The following CPLANE1 variants were observed in gnomAD, a reference collection of about 807,000 sequenced individuals.
CPLANE1 encodes the protein ciliogenesis and planar polarity effector 1.
In CPLANE1, 263 loss-of-function variants were observed where a neutral mutation model predicts 362.5. That is an observed-to-expected ratio of 0.73 (90% CI 0.66 to 0.80). The LOEUF (loss-of-function observed/expected upper bound fraction) is 0.80. Ranked by LOEUF, CPLANE1 falls within the 30% of genes least tolerant of loss-of-function variation. The pLI is 0.00. For synonymous variants in CPLANE1, 1,212 were observed against 1,302.6 expected, an observed-to-expected ratio of 0.93 and a Z score of 1.50; for missense variants, 3,461 against 3,793.4, an observed-to-expected ratio of 0.91 and a Z score of 2.30.
In CPLANE1 at chr5:37,187,824, C is replaced by CA. The variant is rs1784470848; in HGVS notation, c.3829dup (p.Cys1277LeufsTer11). 1.2e-6 allele frequency: 2 copies of CA among 1,613,004 alleles called. No individual in the cohort carries two copies. The highest frequency in any genetic ancestry group is 1.3e-5 in the African/African-American group (1 of 74,870). ...GACATGCAGCATCCAACACAGAGCA[C>CA]AAAGTTCTCTGAAGCAACCTAAAGC... On this transcript the variant is annotated frameshift_variant, in exon 22 of 53. Transcript: ENST00000651892.
At chr5:37,112,840 CA>C (rs780227843) in intron 51 of CPLANE1, among the ~76,000 whole-genome samples, 1 of 152,138 alleles carries the variant, frequency 6.6e-6, no homozygotes, top group Non-Finnish European at 1.5e-5. Context: ...AACAATGAAA[CA>C]AATACCTACA....
rs35522666 is a variant in CPLANE1 at position 37,154,459 on chromosome 5, C to CTTTTTTTTTTTTTTTTTTTTTTTTTTT, written c.8120-467_8120-466insAAAAAAAAAAAAAAAAAAAAAAAAAAA. Among the ~76,000 whole-genome samples, 7 of 84,576 alleles carry CTTTTTTTTTTTTTTTTTTTTTTTTTTT rather than the reference C, an allele frequency of 8.3e-5. 1 individual carries two copies. The highest frequency in any genetic ancestry group is 4.0e-4 in the African/African-American group (7 of 17,646). 55.5% of individuals were successfully genotyped at this position (84,576 alleles called of 152,430 possible). A position where few individuals can be genotyped will look rare whatever the true frequency, so the allele number is the denominator to read the frequency against. ...TTCTTCTCCCAAATTTGCAATAGTTCTTTTTTTTTTTTTTTTTTTTTTTTA... is the reference window on the plus strand; with the variant it reads ...TTCTTCTCCCAAATTTGCAATAGTTCTTTTTTTTTTTTTTTTTTTTTTTTTTTTTTTTTTTTTTTTTTTTTTTTTTTA... On this transcript the variant is annotated intron_variant, in intron 41 of 52. Transcript: ENST00000651892.
chr5:37,135,702 A>G (rs949406007), intron 46 of CPLANE1, among the ~76,000 whole-genome samples: 1 of 152,062 alleles, frequency 6.6e-6, no homozygotes, highest in Non-Finnish European at 1.5e-5. Flanking sequence ...ACGTGGTGGC[A>G]CGTGCCTGTA....
At chr5:37,151,788 C>T (rs1773632001) in intron 42 of CPLANE1, among the ~76,000 whole-genome samples, 1 of 152,034 alleles carries the variant, frequency 6.6e-6, no homozygotes, top group Admixed American at 6.6e-5. Context: ...GTGGCTCACA[C>T]CTGTAATCCC....
chr5:37,182,949 T>C lies in CPLANE1; in HGVS notation c.5232A>G (p.Gly1744=). 3 of 1,606,170 alleles carry C rather than the reference T, an allele frequency of 1.9e-6. No individual in the cohort carries two copies. The highest frequency in any genetic ancestry group is 2.6e-6 in the Non-Finnish European group (3 of 1,176,442). The change falls in exon 26 of 53, where the codon GGA becomes GGG. Residue 1744 remains glycine, a synonymous_variant. Transcript: ENST00000651892. ...ACCTTATCATCCATTCCAGCAGTCT[T>C]CCTATACTGCCAAAAGTGTTTAGTG... ...PLALNTFGSI[G]RLLEWMIRWS...
intron 16 of CPLANE1, among the ~76,000 whole-genome samples, chr5:37,208,545 T>C (rs1002736552): frequency 6.6e-6 from 1 of 151,856 alleles, no homozygotes; most frequent in African/African-American, 2.4e-5. Context: ...AGCGAGGTGG[T>C]GGGCGCCTGT....
At chr5:37,171,573 C>T (rs759920475) in intron 32 of CPLANE1, among the ~76,000 whole-genome samples, 35 of 152,198 alleles carry the variant, frequency 2.3e-4, no homozygotes, top group Non-Finnish European at 4.4e-4. Flanking sequence ...TTTGATAGAA[C>T]AAACCAATAG....
In CPLANE1 at chr5:37,106,730, T is replaced by G. The variant is rs886060568; in HGVS notation, c.*872A>C. 3.2e-5 allele frequency: 19 copies of G among 597,758 alleles called. 1 individual carries two copies. The Admixed American group carries it at 1.1e-3, about 36-fold the overall frequency. 37.0% of individuals were successfully genotyped at this position (597,758 alleles called of 1,614,324 possible). On this transcript the variant is annotated 3_prime_UTR_variant, in exon 53 of 53. Transcript: ENST00000651892. ...GCAATACATGTTGTAAAACCTGGCT[T>G]CACACAGGTAGATATTTGGAAAAAG... is the stretch of plus-strand genomic sequence containing the variant.
intron 48 of CPLANE1, 117 bp from the exon 49 acceptor site, chr5:37,121,901 C>G: frequency 2.7e-6 from 2 of 753,562 alleles, no homozygotes; most frequent in Non-Finnish European, 4.1e-6. Flanking sequence ...TTTTTTGAGA[C>G]GGAGTTTCAC....
downstream of CPLANE1, among the ~76,000 whole-genome samples, chr5:37,105,944 G>A (rs1215145338): frequency 6.6e-6 from 1 of 152,082 alleles, no homozygotes; most frequent in Non-Finnish European, 1.5e-5. Context: ...AAAAAAGGAA[G>A]TCAATACCAT....
rs751883162 is a variant in CPLANE1 at position 37,183,576 on chromosome 5, A to G, written c.4605T>C (p.Leu1535=). The G allele has an allele frequency of 6.2e-7, 1 of 1,612,786 alleles. No homozygotes were observed. Among genetic ancestry groups the G allele is most frequent in the Non-Finnish European group, 8.5e-7 (1 of 1,179,020 alleles). The part of the protein sequence containing the change: ...EDHEKLSQNT[L]PVIGVWEFER... ...CAAATTCCCAAACACCTATTACAGG[A>G]AGTGTATTTTGTGATAACTTTTCAT... The change falls in exon 26 of 53, where the codon CTT becomes CTC. Residue 1535 remains leucine (L), a synonymous_variant. Transcript: ENST00000651892.
In CPLANE1 at chr5:37,184,902, C is replaced by G. The variant is rs780113797; in HGVS notation, c.4367G>C (p.Ser1456Thr). The part of the protein sequence containing the change: ...PGVDRYSLGT[S>T]LSRSTLTELG... ...TTCTGTGAGTGTACTTCTGCTCAAACTAGTCCCCAGGGAATATCTGTCAAC... is the reference window on the plus strand; with the variant it reads ...TTCTGTGAGTGTACTTCTGCTCAAAGTAGTCCCCAGGGAATATCTGTCAAC... Residue 1456 changes from serine to threonine, a missense_variant, in exon 25 of 53, where the codon AGT (serine) becomes ACT (threonine). Ser to Thr is a moderately conservative substitution (Grantham distance 58, BLOSUM62 1). Around this residue, in one of 2 missense-constraint regions of CPLANE1, gnomAD observed 3,380 missense variants for 3,666.1 expected, o/e 0.92. Transcript: ENST00000651892. 6.2e-7 allele frequency: 1 copy of G among 1,614,140 alleles called. No individual in the cohort carries two copies. Among genetic ancestry groups the G allele is most frequent in the South Asian group, 1.1e-5 (1 of 91,080 alleles).
intron 31 of CPLANE1, among the ~76,000 whole-genome samples, chr5:37,174,509 T>C (rs143516379): frequency 5.6e-4 from 85 of 151,908 alleles, no homozygotes; most frequent in African/African-American, 1.9e-3. Flanking sequence ...CCATAAACCC[T>C]AATAAAAAAT....
chr5:37,127,955 C>T (rs1361128394), intron 46 of CPLANE1, among the ~76,000 whole-genome samples: 1 of 151,984 alleles, frequency 6.6e-6, no homozygotes, highest in Non-Finnish European at 1.5e-5. Flanking sequence ...GGGAGAATCA[C>T]TTAAGCCTGG....
chr5:37,139,329 A>G lies in CPLANE1; in HGVS notation c.8663+11T>C. 7.4e-7 allele frequency: 1 copy of G among 1,342,962 alleles called. No homozygotes were observed. Among genetic ancestry groups the G allele is most frequent in the Non-Finnish European group, 1.0e-6 (1 of 983,038 alleles). The allele number at this position is 1,342,962 out of a possible 1,614,324, so 83.2% of individuals were successfully genotyped here. On this transcript the variant is annotated intron_variant, in intron 45 of 52. Coordinates refer to ENST00000651892, the MANE Select transcript of CPLANE1 (RefSeq NM_001384732.1). ...TAAAGAAAATTGTGAATTAACTCTT[A>G]AGATATTTACCTCTCACACAATTCA...
At position 37,107,333 on chromosome 5, in the gene CPLANE1, G is replaced by A; in HGVS notation, c.*269C>T. 8.6e-7 allele frequency: 1 copy of A among 1,169,464 alleles called. No homozygotes were observed. 72.4% of individuals were successfully genotyped at this position (1,169,464 alleles called of 1,614,324 possible). On this transcript the variant is annotated 3_prime_UTR_variant, in exon 53 of 53. Coordinates refer to ENST00000651892, the MANE Select transcript of CPLANE1 (RefSeq NM_001384732.1). ...AGGTTATGCAAACTTGGCTTGAAAG[G>A]TACTTATCATTTTAAAAATTATGCC...
the CPLANE1 span, among the ~76,000 whole-genome samples, chr5:37,091,635 A>C: frequency 6.6e-6 from 1 of 152,224 alleles, no homozygotes; most frequent in Non-Finnish European, 1.5e-5. Context: ...CAGCTGTAGA[A>C]AAGCACTTTG....
Position 37,183,349 on chromosome 5 carries a change from T to C in CPLANE1, c.4832A>G (p.Asn1611Ser), listed in dbSNP as rs145059484. 6.2e-7 allele frequency: 1 copy of C among 1,612,584 alleles called. No homozygotes were observed. The highest frequency in any genetic ancestry group is 8.5e-7 in the Non-Finnish European group (1 of 1,179,614). Reference protein sequence around the residue: ...KRHQSKTKSQNVFRAGSCFVV... With the variant: ...KRHQSKTKSQSVFRAGSCFVV... Reference sequence around the variant, plus strand: ...AAAGCAAGAACCAGCTCTAAACACATTCTGGCTTTTAGTTTTGCTCTGATG... The same window carrying C: ...AAAGCAAGAACCAGCTCTAAACACACTCTGGCTTTTAGTTTTGCTCTGATG... The change falls in exon 26 of 53, where the codon AAT (asparagine) becomes AGT (serine). Residue 1611 changes from asparagine (N) to serine (S), a missense_variant. Physicochemically the swap from Asn to Ser is conservative, Grantham distance 46. Coordinates refer to ENST00000651892, the MANE Select transcript of CPLANE1 (RefSeq NM_001384732.1).
intron 18 of CPLANE1, 92 bp from the exon 19 acceptor site, chr5:37,201,900 C>T: frequency 1.2e-6 from 1 of 823,492 alleles, no homozygotes; most frequent in Non-Finnish European, 1.9e-6. Context: ...TAAAAACATT[C>T]ATTGTCAAGA....
Sources: allele counts gnomAD v4.1 joint callset (sites outside exome capture counted in the v4.1 genomes callset), GRCh38; gene constraint gnomAD v4.1.1; regional missense constraint gnomAD v4.1.1; transcripts MANE v1.5; gene names NCBI Gene and HGNC (gene_info 2026-07-23, HGNC 2026-07-21).